MESP1: variants seen among roughly 807,000 people sequenced by gnomAD.
MESP1 encodes the protein mesoderm posterior protein 1.
In MESP1, 22 loss-of-function variants were observed where a neutral mutation model predicts 15.2. The ratio of observed to expected loss-of-function variants is 1.45; its 90% CI spans 1.04 to 2.07. The LOEUF is 2.07. Among genes scored for constraint, MESP1 ranks in the 30% most tolerant of loss-of-function variants. The probability of loss-of-function intolerance (pLI) is 0.00; values close to 1 mark genes in which losing one functional copy is unlikely to be tolerated. For synonymous variants in MESP1, 216 were observed against 192.6 expected (o/e 1.12, Z -1.01); for missense variants, 484 against 411.9 (o/e 1.17, Z -1.51).
the MESP1 span, among the ~76,000 whole-genome samples, chr15:89,734,265 T>C: frequency 1.3e-5 from 2 of 152,330 alleles, no homozygotes; most frequent in East Asian, 1.9e-4. Context: ...CAATTTGGAC[T>C]GGACTCAGTC....
chr15:89,743,464 C>A, the MESP1 span: 2 of 1,446,418 alleles, frequency 1.4e-6, no homozygotes, highest in Non-Finnish European at 1.9e-6. Flanking sequence ...ACACTGAGGC[C>A]AAGAGAAATG....
the MESP1 span, among the ~76,000 whole-genome samples, chr15:89,742,335 A>G: frequency 4.6e-5 from 7 of 152,018 alleles, no homozygotes; most frequent in African/African-American, 1.7e-4. Flanking sequence ...TTTCTCCCCC[A>G]GAGTACTCCT....
At chr15:89,743,779 A>C in the MESP1 span, 1 of 205,206 alleles carries the variant, frequency 4.9e-6, no homozygotes, top group Non-Finnish European at 1.0e-5. Context: ...CTGTCCTCAG[A>C]TGAGCAAGAC....
At chr15:89,737,456 C>G in the MESP1 span, 21 of 1,369,566 alleles carry the variant, frequency 1.5e-5, no homozygotes, top group East Asian at 2.3e-5. Context: ...GGCTGGGGCC[C>G]AAGAGGTTTT....
chr15:89,737,825 G>C, the MESP1 span: 1 of 1,540,064 alleles, frequency 6.5e-7, no homozygotes, highest in Non-Finnish European at 8.8e-7. Flanking sequence ...TCCCCACTCT[G>C]TGTCCCCCTC....
the MESP1 span, chr15:89,735,401 A>G: frequency 2.2e-6 from 3 of 1,365,178 alleles, no homozygotes; most frequent in Non-Finnish European, 3.1e-6. Context: ...GATTTCTCTG[A>G]ATTTCTCCAG....
the MESP1 span, among the ~76,000 whole-genome samples, chr15:89,739,017 G>A: frequency 2.0e-5 from 3 of 151,866 alleles, no homozygotes; most frequent in Admixed American, 6.6e-5. Flanking sequence ...TGGAGGCTGA[G>A]GTGGGGGAGA....
the MESP1 span, among the ~76,000 whole-genome samples, chr15:89,739,734 T>C: frequency 6.6e-6 from 1 of 152,190 alleles, no homozygotes; most frequent in Non-Finnish European, 1.5e-5. Flanking sequence ...TTCCTTCCAG[T>C]GCCTAGATGT....
chr15:89,750,381 C>A (rs1481171005), intron 1 of MESP1, 128 bp downstream of exon 1: 19 of 1,467,252 alleles, frequency 1.3e-5, no homozygotes, highest in Non-Finnish European at 1.5e-5. Context: ...GAGCCCTGGG[C>A]ATACTATGGT....
At chr15:89,736,606 G>C in the MESP1 span, among the ~76,000 whole-genome samples, 3 of 152,076 alleles carry the variant, frequency 2.0e-5, no homozygotes, top group East Asian at 5.8e-4. Flanking sequence ...AAGCAGAGAG[G>C]AGAGTCTAAA....
chr15:89,744,347 C>G, the MESP1 span, among the ~76,000 whole-genome samples: 1 of 152,186 alleles, frequency 6.6e-6, no homozygotes, highest in Non-Finnish European at 1.5e-5. Flanking sequence ...CTGAGACACT[C>G]TGGCCCTCTC....
chr15:89,740,063 T>G, the MESP1 span, among the ~76,000 whole-genome samples: 1 of 152,178 alleles, frequency 6.6e-6, no homozygotes, highest in African/African-American at 2.4e-5. Flanking sequence ...TGCCAGGCTG[T>G]GTTCTGACCA....
Position 89,750,525 on chromosome 15 carries a change from G to T in MESP1, c.707C>A (p.Pro236Gln), listed in dbSNP as rs757440055. ...GACACTAACCGGGGACGGTGGGCTTGGCTCCATCGCCTGCCCTTCAGGGCA... is the reference window on the plus strand; with the variant it reads ...GACACTAACCGGGGACGGTGGGCTTTGCTCCATCGCCTGCCCTTCAGGGCA... The part of the protein sequence containing the change: ...AACPEGQAME[P>Q]SPPSPLLPGD... Residue 236 changes from proline to glutamine, a missense_variant, in exon 1 of 2, where the codon CCA becomes CAA. Coordinates refer to ENST00000300057, the MANE Select transcript of MESP1 (RefSeq NM_018670.4). 1 of 1,500,730 alleles carries T rather than the reference G, an allele frequency of 6.7e-7. No homozygotes were observed. The highest frequency in any genetic ancestry group is 8.8e-7 in the Non-Finnish European group (1 of 1,132,846). The allele number at this position is 1,500,730 out of a possible 1,614,324, so 93.0% of individuals were successfully genotyped here. A position where few individuals can be genotyped will look rare whatever the true frequency, so the allele number is the denominator to read the frequency against.
chr15:89,744,344 ACT>A, the MESP1 span, among the ~76,000 whole-genome samples: 1 of 151,968 alleles, frequency 6.6e-6, no homozygotes, highest in Non-Finnish European at 1.5e-5. Flanking sequence ...CGCCTGAGAC[ACT>A]CTGGCCCTCT....
the MESP1 span, chr15:89,738,296 T>C: frequency 4.0e-6 from 6 of 1,487,924 alleles, no homozygotes; most frequent in South Asian, 2.7e-5. Context: ...GATTGAGGGA[T>C]AGTGGAGTTT....
the MESP1 span, among the ~76,000 whole-genome samples, chr15:89,742,437 C>T: frequency 6.6e-6 from 1 of 152,070 alleles, no homozygotes; most frequent in African/African-American, 2.4e-5. Context: ...CCCTGCTAAG[C>T]GTGCCCGTCT....
At chr15:89,744,056 G>A in the MESP1 span, among the ~76,000 whole-genome samples, 1 of 152,186 alleles carries the variant, frequency 6.6e-6, no homozygotes, top group East Asian at 1.9e-4. Flanking sequence ...AAAAACAGAC[G>A]GAGGGGTCCC....
the MESP1 span, among the ~76,000 whole-genome samples, chr15:89,736,704 G>T: frequency 6.6e-6 from 1 of 152,094 alleles, no homozygotes; most frequent in Non-Finnish European, 1.5e-5. Flanking sequence ...CGCAGGAGGT[G>T]GGGGAGTGGA....
At chr15:89,737,713 A>C in the MESP1 span, 1 of 1,614,140 alleles carries the variant, frequency 6.2e-7, no homozygotes, top group Non-Finnish European at 8.5e-7. Flanking sequence ...CAGACCATCC[A>C]TGTTTCCTGC....
Sources: gnomAD v4.1 joint callset for allele counts (sites outside exome capture counted in the v4.1 genomes callset) on GRCh38, gnomAD v4.1.1 for gene constraint, MANE v1.5 for transcripts, NCBI Gene and HGNC (gene_info 2026-07-23, HGNC 2026-07-21) for gene names.